The following ENOX1 variants were observed in gnomAD, a reference collection of about 807,000 sequenced individuals.
ENOX1 encodes candidate growth-related and time keeping constitutive hydroquinone (NADH) oxidase.
A neutral mutation model predicts 82.5 loss-of-function variants in ENOX1; 42 were observed. That is an observed-to-expected ratio of 0.51 (90% confidence interval 0.40 to 0.66). The LOEUF is 0.66. Ranked by LOEUF, ENOX1 falls within the 30% of genes least tolerant of loss-of-function variation. The pLI is 0.00. For synonymous variants in ENOX1, 271 were observed against 282.2 expected (o/e 0.96, Z 0.40); for missense variants, 608 against 811.6 (o/e 0.75, Z 3.05).
intron 16 of ENOX1, among the ~76,000 whole-genome samples, chr13:43,214,554 G>A (rs2041364837): frequency 6.6e-6 from 1 of 152,080 alleles, no homozygotes; most frequent in Non-Finnish European, 1.5e-5. Context: ...ACATTCGGGT[G>A]GATTTCTTGC....
At chr13:43,775,105 C>G (rs1172036144) in intron 1 of ENOX1, among the ~76,000 whole-genome samples, 2 of 152,156 alleles carry the variant, frequency 1.3e-5, no homozygotes, top group Non-Finnish European at 2.9e-5. Context: ...ACCTCGGCCT[C>G]CCAAAGTGCT....
chr13:43,460,750 C>T (rs1235473527), intron 3 of ENOX1, among the ~76,000 whole-genome samples: 1 of 132,824 alleles, frequency 7.5e-6, no homozygotes, highest in Non-Finnish European at 1.5e-5. Flanking sequence ...GCAGAGATCG[C>T]ACCACTGCAC....
intron 1 of ENOX1, among the ~76,000 whole-genome samples, chr13:43,724,262 A>G (rs535918072): frequency 6.6e-6 from 1 of 152,348 alleles, no homozygotes; most frequent in African/African-American, 2.4e-5. Flanking sequence ...GAAAGGTACC[A>G]CATGTTTCTA....
chr13:43,443,660 G>A (rs1461669259), intron 3 of ENOX1, among the ~76,000 whole-genome samples: 1 of 152,158 alleles, frequency 6.6e-6, no homozygotes, highest in African/African-American at 2.4e-5. Flanking sequence ...TATCCCGGTG[G>A]TGGGAATAAG....
intron 16 of ENOX1, among the ~76,000 whole-genome samples, chr13:43,219,420 A>C (rs1278090160): frequency 6.6e-6 from 1 of 152,182 alleles, no homozygotes; most frequent in East Asian, 1.9e-4. Context: ...GAGGATAGTC[A>C]TAACCCTGAA....
At chr13:43,220,716 T>C (rs1256149870) in intron 16 of ENOX1, among the ~76,000 whole-genome samples, 3 of 152,226 alleles carry the variant, frequency 2.0e-5, no homozygotes, top group Non-Finnish European at 4.4e-5. Flanking sequence ...TGCTGTCATA[T>C]GCTTTCCAGA....
intron 1 of ENOX1, among the ~76,000 whole-genome samples, chr13:43,755,117 A>G (rs1566883617): frequency 1.3e-5 from 2 of 152,060 alleles, no homozygotes; most frequent in Non-Finnish European, 2.9e-5. Context: ...TATAAACTCC[A>G]GAACACAAAA....
intron 1 of ENOX1, among the ~76,000 whole-genome samples, chr13:43,762,428 T>C (rs1951038100): frequency 6.6e-6 from 1 of 151,842 alleles, no homozygotes; most frequent in Non-Finnish European, 1.5e-5. Flanking sequence ...TTGAGTTTCT[T>C]ATCAATTTTC....
chr13:43,443,832 A>C (rs1236633358), intron 3 of ENOX1, among the ~76,000 whole-genome samples: 1 of 152,182 alleles, frequency 6.6e-6, no homozygotes, highest in Non-Finnish European at 1.5e-5. Flanking sequence ...AGAAAAAACA[A>C]TTATCCACAC....
chr13:43,379,225 CA>C (rs1219141029), intron 5 of ENOX1, among the ~76,000 whole-genome samples: 1 of 152,000 alleles, frequency 6.6e-6, no homozygotes, highest in Non-Finnish European at 1.5e-5. Flanking sequence ...GTTTTTAAGC[CA>C]CTAAGTTTGT....
intron 2 of ENOX1, among the ~76,000 whole-genome samples, chr13:43,625,429 G>A (rs2082921694): frequency 1.3e-5 from 2 of 151,986 alleles, no homozygotes; most frequent in African/African-American, 4.8e-5. Context: ...TGAAGAGAAA[G>A]CATTCAGCCT....
intron 11 of ENOX1, among the ~76,000 whole-genome samples, chr13:43,305,582 T>C (rs935989592): frequency 1.3e-5 from 2 of 152,064 alleles, no homozygotes; most frequent in African/African-American, 4.8e-5. Context: ...TCTCTGCTCC[T>C]TCCTCCAGAG....
intron 16 of ENOX1, among the ~76,000 whole-genome samples, chr13:43,220,079 G>T (rs970809082): frequency 6.6e-6 from 1 of 152,150 alleles, no homozygotes; most frequent in Non-Finnish European, 1.5e-5. Context: ...AAAGGGAGGG[G>T]AGGAAGGAAG....
intron 2 of ENOX1, among the ~76,000 whole-genome samples, 196 bp downstream of exon 2, chr13:43,667,283 C>T (rs555299247): frequency 6.6e-6 from 1 of 152,206 alleles, no homozygotes; most frequent in East Asian, 1.9e-4. Flanking sequence ...TTACAGAGGC[C>T]CTGTCACAGG....
At chr13:43,222,979 T>G (rs1285801651) in intron 16 of ENOX1, among the ~76,000 whole-genome samples, 1 of 152,234 alleles carries the variant, frequency 6.6e-6, no homozygotes, top group East Asian at 1.9e-4. Context: ...GCATGAAATC[T>G]GTATGACTGA....
chr13:43,294,183 G>A (rs1355055732), intron 12 of ENOX1, among the ~76,000 whole-genome samples: 6 of 152,138 alleles, frequency 3.9e-5, no homozygotes, highest in East Asian at 1.9e-4. Context: ...CAAAAGCATC[G>A]GCTTATTTAG....
intron 14 of ENOX1, among the ~76,000 whole-genome samples, chr13:43,244,526 G>T (rs7995454): frequency 0.17 from 25,976 of 152,072 alleles, 2,287 homozygotes; most frequent in African/African-American, 0.21. Flanking sequence ...ATCCTTATAA[G>T]TAAAGAAAGA....
intron 1 of ENOX1, among the ~76,000 whole-genome samples, chr13:43,779,955 G>C (rs756243430): frequency 7.2e-5 from 11 of 152,110 alleles, no homozygotes; most frequent in South Asian, 2.1e-4. Context: ...AGGAGATCGA[G>C]ACCATCCTGG....
intron 2 of ENOX1, among the ~76,000 whole-genome samples, chr13:43,501,453 G>A (rs9594965): frequency 0.23 from 35,464 of 151,548 alleles, 4,339 homozygotes; most frequent in Middle Eastern, 0.31. Flanking sequence ...CAGCAGTAGA[G>A]CAAACATTGT....
Sources: gnomAD v4.1 joint callset for allele counts (sites outside exome capture counted in the v4.1 genomes callset) on GRCh38, gnomAD v4.1.1 for gene constraint, MANE v1.5 for transcripts, NCBI Gene and HGNC (gene_info 2026-07-23, HGNC 2026-07-21) for gene names.